Variants in C1RL observed in about 807,000 individuals in gnomAD.
The protein encoded by C1RL is complement C1r subcomponent-like protein.
A neutral mutation model predicts 27.9 loss-of-function variants in C1RL; 27 were observed. The observed-to-expected ratio is 0.97, with a 90% CI of 0.71 to 1.33. The LOEUF is 1.33. Among genes scored for constraint, C1RL ranks in the 40% most tolerant of loss-of-function variants. The pLI, the probability that C1RL is intolerant of heterozygous loss-of-function variation, is 0.00. For synonymous variants in C1RL, 248 were observed against 252.1 expected, an observed-to-expected ratio of 0.98 and a Z score of 0.15; for missense variants, 563 against 623.9, an observed-to-expected ratio of 0.90 and a Z score of 1.04.
chr12:7,101,383 C>T (rs774801912), intron 3 of C1RL, among the ~76,000 whole-genome samples: 7 of 151,554 alleles, frequency 4.6e-5, no homozygotes, highest in Admixed American at 2.0e-4. Context: ...CAATCCTCCC[C>T]CTCAGTCCCT....
intron 2 of C1RL, 38 bp from the exon 3 acceptor site, chr12:7,102,125 T>A: frequency 6.3e-7 from 1 of 1,582,152 alleles, no homozygotes; most frequent in Non-Finnish European, 8.6e-7. Flanking sequence ...CAGATAGGTG[T>A]GGGGTGAATC....
chr12:7,098,687 A>G (rs1938524532), intron 5 of C1RL, among the ~76,000 whole-genome samples: 1 of 152,232 alleles, frequency 6.6e-6, no homozygotes, highest in Non-Finnish European at 1.5e-5. Flanking sequence ...CATTACGCTA[A>G]CTGAAAGAAG....
intron 3 of C1RL, among the ~76,000 whole-genome samples, chr12:7,101,075 T>TCCC (rs1938603333): frequency 6.8e-6 from 1 of 147,952 alleles, no homozygotes; most frequent in Non-Finnish European, 1.5e-5. Context: ...CTTCCTTCCT[T>TCCC]TCCTTCCTTC....
chr12:7,108,235 C>G lies in C1RL; in HGVS notation c.300+16G>C, dbSNP rs200007853. ...TGGCCACAGTCCTGGCGGGACCCCC[C>G]CCATCCCCAGCTCACTGTGACAGAG... On this transcript the variant is annotated intron_variant, in intron 2 of 5. Transcript: ENST00000266542. 2 of 1,580,680 alleles carry G rather than the reference C, an allele frequency of 1.3e-6. No homozygotes were observed. Among genetic ancestry groups the G allele is most frequent in the South Asian group, 2.3e-5 (2 of 88,202 alleles).
intron 1 of C1RL, 77 bp from the exon 2 acceptor site, chr12:7,108,556 G>A: frequency 8.1e-7 from 1 of 1,228,258 alleles, no homozygotes; most frequent in Non-Finnish European, 1.1e-6. Flanking sequence ...GAGCGGGGGA[G>A]CCGCGCTAGG....
intron 2 of C1RL, among the ~76,000 whole-genome samples, chr12:7,106,910 A>G (rs917619553): frequency 3.8e-4 from 58 of 152,362 alleles, no homozygotes; most frequent in African/African-American, 1.4e-3. Flanking sequence ...ATATAGGTAA[A>G]CTGGCAGAAT....
rs750019496 is a variant in C1RL at position 7,096,497 on chromosome 12, G to A, written c.1358C>T (p.Thr453Met). 5.6e-6 allele frequency: 9 copies of A among 1,613,970 alleles called. No individual in the cohort carries two copies. The highest frequency in any genetic ancestry group is 2.2e-5 in the East Asian group (1 of 44,890). Residue 453 changes from threonine (T) to methionine (M), a missense_variant, in exon 6 of 6, where the codon ACG becomes ATG. Thr to Met is a moderately conservative substitution (Grantham distance 81). Transcript: ENST00000266542. The stretch of plus-strand genomic sequence containing the variant: ...CCCTATGCCCCAGGACACAATGCCC[G>A]TGGCCACCCAGTGATGGGCATGATT... ...WDNHAHHWVA[T>M]GIVSWGIGCG...
At chr12:7,099,473 T>G (rs1938548118) in intron 5 of C1RL, 3 of 984,338 alleles carry the variant, frequency 3.0e-6, no homozygotes, top group Non-Finnish European at 3.6e-6. Context: ...ACGTCCTTCA[T>G]GCTTTTCCTC....
chr12:7,100,045 T>C lies in C1RL; in HGVS notation c.491-19A>G, dbSNP rs1345264929. The C allele has an allele frequency of 6.3e-7, 1 of 1,597,110 alleles. No individual in the cohort carries two copies. The highest frequency in any genetic ancestry group is 8.6e-7 in the Non-Finnish European group (1 of 1,169,222). ...TTCACAGCTATAGGAAAACAGCACCTAGCACAGACTTGCCAACTGGCAACC... is the reference window on the plus strand; with the variant it reads ...TTCACAGCTATAGGAAAACAGCACCCAGCACAGACTTGCCAACTGGCAACC... On this transcript the variant is annotated intron_variant, in intron 3 of 5. Coordinates refer to ENST00000266542, the MANE Select transcript of C1RL (RefSeq NM_016546.4).
chr12:7,096,472 C>A lies in C1RL; in HGVS notation c.1383G>T (p.Gly461=). ...VATGIVSWGI[G]CGEGYDFYTK... is the part of the protein sequence containing the mutation. Reference sequence around the variant, plus strand: ...TGTAGAAGTCATACCCTTCGCCACACCCTATGCCCCAGGACACAATGCCCG... The same window carrying A: ...TGTAGAAGTCATACCCTTCGCCACAACCTATGCCCCAGGACACAATGCCCG... Residue 461 remains glycine, a synonymous_variant, in exon 6 of 6, where the codon GGG becomes GGT. Coordinates refer to ENST00000266542, the MANE Select transcript of C1RL (RefSeq NM_016546.4). 6.2e-7 allele frequency: 1 copy of A among 1,614,138 alleles called. No individual in the cohort carries two copies. The highest frequency in any genetic ancestry group is 1.1e-5 in the South Asian group (1 of 91,082).
At chr12:7,100,169 T>C (rs7135562) in intron 3 of C1RL, 143 bp from the exon 4 acceptor site, 288,242 of 775,894 alleles carry the variant, frequency 0.37, 57,614 homozygotes, top group South Asian at 0.53. Flanking sequence ...TCGTTTTCAC[T>C]GATCAGATTG....
At chr12:7,099,519 C>T (rs1308175858) in intron 5 of C1RL, 167 bp downstream of exon 5, 1 of 962,560 alleles carries the variant, frequency 1.0e-6, no homozygotes, top group African/African-American at 1.8e-5. Flanking sequence ...GAGGAACAAG[C>T]TCCCTGCCTG....
chr12:7,105,128 A>T (rs771755032), intron 2 of C1RL, among the ~76,000 whole-genome samples: 2 of 152,218 alleles, frequency 1.3e-5, no homozygotes, highest in East Asian at 3.9e-4. Flanking sequence ...CCCCAAATAA[A>T]ATGCTTTTAC....
At chr12:7,107,503 A>G in intron 2 of C1RL, among the ~76,000 whole-genome samples, 1 of 152,212 alleles carries the variant, frequency 6.6e-6, no homozygotes, top group South Asian at 2.1e-4. Flanking sequence ...AAAAAGTCTT[A>G]CAACTATTAT....
Position 7,096,132 on chromosome 12 carries a change from G to T in C1RL, c.*259C>A. ...TGTTGAGATGTACAGGCTTCCCGGGGCCTAGTGCATGAGCACAGGGAGGTA... is the reference window on the plus strand; with the variant it reads ...TGTTGAGATGTACAGGCTTCCCGGGTCCTAGTGCATGAGCACAGGGAGGTA... On this transcript the variant is annotated 3_prime_UTR_variant, in exon 6 of 6. Transcript: ENST00000266542. The T allele has an allele frequency of 3.2e-6, 4 of 1,261,648 alleles. No individual in the cohort carries two copies. The highest frequency in any genetic ancestry group is 2.0e-6 in the Non-Finnish European group (2 of 1,002,718). The allele number at this position is 1,261,648 out of a possible 1,614,324, so 78.2% of individuals were successfully genotyped here. A position where few individuals can be genotyped will look rare whatever the true frequency, so the allele number is the denominator to read the frequency against.
In C1RL at chr12:7,099,225, CAAAAAAA is replaced by C. The variant is rs1180325788; in HGVS notation, c.691+454_691+460del. Reference sequence around the variant, plus strand: ...GGGCGACAAGAGAGAAACTCCATCCCAAAAAAAAAAAAAAAAAAAAAAAAAAAAAGTG... The same window carrying C: ...GGGCGACAAGAGAGAAACTCCATCCCAAAAAAAAAAAAAAAAAAAAAAGTG... On this transcript the variant is annotated intron_variant, in intron 5 of 5. Coordinates refer to ENST00000266542, the MANE Select transcript of C1RL (RefSeq NM_016546.4). 5.0e-3 allele frequency among the ~76,000 whole-genome samples: 224 copies of C among 44,374 alleles called. 3 individuals carry two copies. The highest frequency in any genetic ancestry group is 0.018 in the African/African-American group (213 of 11,802). 29.1% of individuals were successfully genotyped at this position (44,374 alleles called of 152,430 possible).
Position 7,096,004 on chromosome 12 carries a change from T to A in C1RL, c.*387A>T. On this transcript the variant is annotated 3_prime_UTR_variant, in exon 6 of 6. Transcript: ENST00000266542. Reference sequence around the variant, plus strand: ...GCAATGAAAACCCCTTCCTCCATACTCTAATAGCGGGTGAGTAGCTGACTC... The same window carrying A: ...GCAATGAAAACCCCTTCCTCCATACACTAATAGCGGGTGAGTAGCTGACTC... 9.9e-7 allele frequency: 1 copy of A among 1,012,866 alleles called. No individual in the cohort carries two copies. The allele number at this position is 1,012,866 out of a possible 1,614,324, so 62.7% of individuals were successfully genotyped here.
At chr12:7,101,219 C>T in intron 3 of C1RL, among the ~76,000 whole-genome samples, 1 of 113,608 alleles carries the variant, frequency 8.8e-6, no homozygotes, top group African/African-American at 3.3e-5. Flanking sequence ...TCTCCTTTCT[C>T]GCTTTCTTCC....
Position 7,094,833 on chromosome 12 carries a change from C to A in C1RL, c.*1558G>T. On this transcript the variant is annotated 3_prime_UTR_variant, in exon 6 of 6. Coordinates refer to ENST00000266542, the MANE Select transcript of C1RL (RefSeq NM_016546.4). ...GGCTCAAGCGATCCTCTTGCATCAG[C>A]CTCCTGAGTGGCTGGGGGTATAAGT... 1.0e-6 allele frequency: 1 copy of A among 976,922 alleles called. No individual in the cohort carries two copies. The highest frequency in any genetic ancestry group is 1.2e-6 in the Non-Finnish European group (1 of 821,330). 60.5% of individuals were successfully genotyped at this position (976,922 alleles called of 1,614,324 possible).
Sources: allele counts gnomAD v4.1 joint callset (sites outside exome capture counted in the v4.1 genomes callset), GRCh38; gene constraint gnomAD v4.1.1; transcripts MANE v1.5; gene names NCBI Gene and HGNC (gene_info 2026-07-23, HGNC 2026-07-21).